TMTC1: variants seen among roughly 807,000 people sequenced by gnomAD.
TMTC1 encodes the protein transmembrane O-mannosyltransferase targeting cadherins 1.
In TMTC1, 73 loss-of-function variants were observed where a neutral mutation model predicts 104.8. The ratio of observed to expected loss-of-function variants is 0.70; its 90% CI spans 0.58 to 0.85. TMTC1 has a LOEUF of 0.85. Among genes scored for constraint, TMTC1 ranks in the 40% least tolerant of loss-of-function variants. The probability of loss-of-function intolerance (pLI) is 0.00; values close to 1 mark genes in which losing one functional copy is unlikely to be tolerated. For synonymous variants in TMTC1, 434 were observed against 428.7 expected, an observed-to-expected ratio of 1.01 and a Z score of -0.15; for missense variants, 1,035 against 1,096.1, an observed-to-expected ratio of 0.94 and a Z score of 0.79.
At chr12:29,559,236 AAGGAAAGGAC>A (rs1219257826) in intron 9 of TMTC1, among the ~76,000 whole-genome samples, 2 of 152,276 alleles carry the variant, frequency 1.3e-5, no homozygotes, top group East Asian at 3.9e-4. Context: ...GAAAACACTA[AAGGAAAGGAC>A]AGGCTAAATT....
In TMTC1 at chr12:29,670,934, C is replaced by CAAAAAAAAAAA. The variant is rs374719241; in HGVS notation, c.939-37599_939-37598insTTTTTTTTTTT. Among the ~76,000 whole-genome samples, 56 of 68,388 alleles carry CAAAAAAAAAAA rather than the reference C, an allele frequency of 8.2e-4. 1 individual carries two copies. The highest frequency in any genetic ancestry group is 1.5e-3 in the African/African-American group (24 of 16,434). 44.9% of individuals were successfully genotyped at this position (68,388 alleles called of 152,430 possible). On this transcript the variant is annotated intron_variant, in intron 5 of 17. Transcript: ENST00000539277. ...TGGGCCACAGCACGAGACTCTGTCT[C>CAAAAAAAAAAA]AAAAAAAAAGAAAAAAAAGGATAGG...
intron 10 of TMTC1, among the ~76,000 whole-genome samples, chr12:29,542,942 T>C (rs1463288324): frequency 6.6e-6 from 1 of 152,146 alleles, no homozygotes; most frequent in Non-Finnish European, 1.5e-5. Flanking sequence ...TTAGCTCCTG[T>C]GTTATCCATC....
At chr12:29,507,236 G>T (rs566542124) in intron 17 of TMTC1, among the ~76,000 whole-genome samples, 40 of 152,278 alleles carry the variant, frequency 2.6e-4, no homozygotes, top group Middle Eastern at 3.4e-3. Context: ...CAGAAAAACA[G>T]ATTTTCAATT....
chr12:29,628,691 T>G (rs900354537), intron 6 of TMTC1, among the ~76,000 whole-genome samples: 1 of 152,104 alleles, frequency 6.6e-6, no homozygotes, highest in Non-Finnish European at 1.5e-5. Flanking sequence ...TGAGACAGAC[T>G]TCGCTCTGTC....
In TMTC1 at chr12:29,733,954, T is replaced by A. The variant is rs372154442; in HGVS notation, c.938+17712A>T. On this transcript the variant is annotated intron_variant, in intron 5 of 17. Coordinates refer to ENST00000539277, the MANE Select transcript of TMTC1 (RefSeq NM_001193451.2). ...CCACAACATATTAATGCACTTGAAG[T>A]TGTTTATCTGTTTTTCTTTGAAGAC... is the stretch of plus-strand genomic sequence containing the variant. Among the ~76,000 whole-genome samples the A allele has an allele frequency of 1.9e-3, 285 of 152,290 alleles. 13 individuals carry two copies. The South Asian group carries it at 0.057, about 30-fold the overall frequency.
chr12:29,711,884 G>C (rs957379137), intron 5 of TMTC1, among the ~76,000 whole-genome samples: 5 of 151,788 alleles, frequency 3.3e-5, no homozygotes, highest in African/African-American at 1.2e-4. Flanking sequence ...GTGAGTGCCT[G>C]TAGTCCCAAC....
intron 5 of TMTC1, among the ~76,000 whole-genome samples, chr12:29,735,070 G>A (rs1225561282): frequency 6.6e-6 from 1 of 152,220 alleles, no homozygotes; most frequent in Non-Finnish European, 1.5e-5. Context: ...GAACTAAGCT[G>A]AACCTGGATT....
chr12:29,660,808 CTT>C, intron 5 of TMTC1: 5 of 1,408,544 alleles, frequency 3.5e-6, no homozygotes, highest in Non-Finnish European at 4.7e-6. Context: ...ACTTACATAA[CTT>C]AGGACCAAAA....
chr12:29,707,182 G>A (rs1020425263), intron 5 of TMTC1, among the ~76,000 whole-genome samples: 1 of 152,120 alleles, frequency 6.6e-6, no homozygotes, highest in East Asian at 1.9e-4. Flanking sequence ...CCTGGTTTTA[G>A]AACCATGCTG....
At chr12:29,636,551 G>A (rs1482608557) in intron 5 of TMTC1, among the ~76,000 whole-genome samples, 1 of 152,128 alleles carries the variant, frequency 6.6e-6, no homozygotes, top group Non-Finnish European at 1.5e-5. Context: ...CTTTCACGGT[G>A]GCTCATGCCT....
chr12:29,600,791 C>T (rs159707), intron 7 of TMTC1, among the ~76,000 whole-genome samples: 42,026 of 151,976 alleles, frequency 0.28, 5,987 homozygotes, highest in East Asian at 0.38. Flanking sequence ...ATGGCATCTC[C>T]GGAGGGGGAA....
chr12:29,526,640 G>A (rs1944353689), intron 11 of TMTC1, among the ~76,000 whole-genome samples: 1 of 152,052 alleles, frequency 6.6e-6, no homozygotes, highest in African/African-American at 2.4e-5. Flanking sequence ...GCTTGTCAGG[G>A]TTCTTTTCAT....
At position 29,538,227 on chromosome 12, in the gene TMTC1, A is replaced by G. The variant is rs35477340; in HGVS notation, c.1677-1910T>C. ...TTTCGTGGACATTTAAAGAGTACCCACAAGACTCCATGACTTCCATACACA... is the reference window on the plus strand; with the variant it reads ...TTTCGTGGACATTTAAAGAGTACCCGCAAGACTCCATGACTTCCATACACA... On this transcript the variant is annotated intron_variant, in intron 10 of 17. Coordinates refer to ENST00000539277, the MANE Select transcript of TMTC1 (RefSeq NM_001193451.2). 9.6e-3 allele frequency among the ~76,000 whole-genome samples: 1,461 copies of G among 152,328 alleles called. 17 individuals are homozygous for G. The highest frequency in any genetic ancestry group is 0.038 in the South Asian group (183 of 4,832).
intron 6 of TMTC1, among the ~76,000 whole-genome samples, chr12:29,621,438 A>T (rs763820149): frequency 2.0e-5 from 3 of 152,260 alleles, no homozygotes; most frequent in Non-Finnish European, 4.4e-5. Context: ...TGTGACAATG[A>T]TGAAACTGAA....
chr12:29,545,532 C>T (rs1237265102), intron 10 of TMTC1, among the ~76,000 whole-genome samples: 2 of 151,830 alleles, frequency 1.3e-5, no homozygotes, highest in Non-Finnish European at 2.9e-5. Context: ...CCCAGCTACT[C>T]AGGAGGCTGA....
intron 5 of TMTC1, among the ~76,000 whole-genome samples, chr12:29,675,788 T>A (rs1040189122): frequency 3.9e-5 from 6 of 152,212 alleles, no homozygotes; most frequent in Admixed American, 3.9e-4. Context: ...ACAAATCTTT[T>A]CATCTAACTT....
intron 5 of TMTC1, among the ~76,000 whole-genome samples, chr12:29,715,899 A>ATTGGGT (rs1942062199): frequency 6.6e-6 from 1 of 152,054 alleles, no homozygotes; most frequent in African/African-American, 2.4e-5. Flanking sequence ...ATAATTCATC[A>ATTGGGT]CCTTCCATTG....
chr12:29,736,097 G>C (rs2136928919), intron 5 of TMTC1, among the ~76,000 whole-genome samples: 1 of 152,092 alleles, frequency 6.6e-6, no homozygotes, highest in East Asian at 1.9e-4. Flanking sequence ...TTAACTAAGG[G>C]TGAAGCATAA....
intron 5 of TMTC1, among the ~76,000 whole-genome samples, chr12:29,727,405 C>T (rs1942425014): frequency 6.6e-6 from 1 of 152,084 alleles, no homozygotes; most frequent in South Asian, 2.1e-4. Context: ...GAGACGGAGT[C>T]TTGCTCTGTT....
Sources: gnomAD v4.1 joint callset for allele counts (sites outside exome capture counted in the v4.1 genomes callset) on GRCh38, gnomAD v4.1.1 for gene constraint, MANE v1.5 for transcripts, NCBI Gene and HGNC (gene_info 2026-07-23, HGNC 2026-07-21) for gene names.